Variants in EPHB1 observed in about 807,000 individuals in gnomAD.
EPHB1 encodes the protein ephrin type-B receptor 1.
Under a neutral mutation model 94.4 loss-of-function variants are expected in EPHB1, and 30 were observed. The ratio of observed to expected loss-of-function variants is 0.32; its 90% CI spans 0.24 to 0.43. The LOEUF is 0.43. Ranked by LOEUF, EPHB1 falls within the 20% of genes least tolerant of loss-of-function variation. EPHB1 has a pLI of 1.00. For missense variants in EPHB1, 1,055 were observed against 1,308.3 expected (o/e 0.81, Z 2.99); for synonymous variants, 522 against 489.1 (o/e 1.07, Z -0.89).
chr3:135,074,128 T>C (rs555435275), intron 3 of EPHB1, among the ~76,000 whole-genome samples: 1 of 152,354 alleles, frequency 6.6e-6, no homozygotes, highest in South Asian at 2.1e-4. Flanking sequence ...ACTGAAATAT[T>C]TTATAAGAAG....
chr3:134,951,238 A>C lies in EPHB1; in HGVS notation c.124-133A>C, dbSNP rs77546042. The stretch of plus-strand genomic sequence containing the variant: ...TTGCGCTTAGATGTGTTCATTTCTC[A>C]AGTCAATCTGCTGGACTGGTGAGCT... On this transcript the variant is annotated intron_variant, in intron 2 of 15. Coordinates refer to ENST00000398015, the MANE Select transcript of EPHB1 (RefSeq NM_004441.5). The surrounding 1 kb of genome is among the most constrained non-coding windows in gnomAD (Gnocchi z 4.5). The C allele has an allele frequency of 0.037, 26,431 of 708,050 alleles. 717 individuals are homozygous for C. Among genetic ancestry groups the C allele is most frequent in the Non-Finnish European group, 0.045 (20,348 of 456,502 alleles). 43.9% of individuals were successfully genotyped at this position (708,050 alleles called of 1,614,324 possible).
chr3:134,808,032 T>C (rs1376459722), intron 1 of EPHB1, among the ~76,000 whole-genome samples: 3 of 152,216 alleles, frequency 2.0e-5, no homozygotes, highest in African/African-American at 7.2e-5. Flanking sequence ...CATGAAAGTC[T>C]GGTTGATGAA....
At chr3:134,953,879 A>G (rs948125888) in intron 3 of EPHB1, among the ~76,000 whole-genome samples, 3 of 152,210 alleles carry the variant, frequency 2.0e-5, no homozygotes, top group African/African-American at 7.2e-5. Flanking sequence ...GCCTGTGAGG[A>G]CAAATATGTA....
rs1309543488 is a variant in EPHB1 at position 135,154,204 on chromosome 3, C to A, written c.1350C>A (p.Ile450=). The A allele has an allele frequency of 3.7e-6, 6 of 1,614,066 alleles. No homozygotes were observed. The highest frequency in any genetic ancestry group is 5.1e-6 in the Non-Finnish European group (6 of 1,179,888). Residue 450 remains isoleucine, a synonymous_variant, in exon 6 of 16, where the codon ATC becomes ATA. Transcript: ENST00000398015. ...MHQVSATMRS[I]TLSWPQPEQP... ...AAGTCAGTGCCACTATGAGGAGCATCACCTTGTCATGGCCACAGCCGGAGC... is the reference window on the plus strand; with the variant it reads ...AAGTCAGTGCCACTATGAGGAGCATAACCTTGTCATGGCCACAGCCGGAGC...
chr3:135,149,917 A>G (rs1941141227), intron 5 of EPHB1, among the ~76,000 whole-genome samples: 1 of 152,124 alleles, frequency 6.6e-6, no homozygotes, highest in African/African-American at 2.4e-5. Context: ...GTTTCTCTCC[A>G]TGGATTTCAC....
At chr3:134,810,042 G>A (rs2036138477) in intron 1 of EPHB1, among the ~76,000 whole-genome samples, 1 of 152,180 alleles carries the variant, frequency 6.6e-6, no homozygotes, top group Non-Finnish European at 1.5e-5. Flanking sequence ...ACTGCATCCT[G>A]CTAAGAGAGA....
chr3:135,159,057 T>A (rs1318830478), intron 6 of EPHB1, among the ~76,000 whole-genome samples: 1 of 152,212 alleles, frequency 6.6e-6, no homozygotes, highest in Non-Finnish European at 1.5e-5. Flanking sequence ...GCCCAGGTGG[T>A]ACAAGCATTG....
At chr3:135,190,639 A>C (rs930190282) in intron 10 of EPHB1, among the ~76,000 whole-genome samples, 1 of 152,180 alleles carries the variant, frequency 6.6e-6, no homozygotes, top group Non-Finnish European at 1.5e-5. Flanking sequence ...ATTACTAAAT[A>C]AGTTAAGCTA....
chr3:135,215,083 G>A (rs1027495841), intron 12 of EPHB1, among the ~76,000 whole-genome samples: 3 of 152,188 alleles, frequency 2.0e-5, no homozygotes, highest in Admixed American at 6.5e-5. Context: ...TGTTGTGGAT[G>A]CTACCATAAG....
At chr3:135,140,365 C>A (rs749445687) in intron 5 of EPHB1, among the ~76,000 whole-genome samples, 7 of 152,296 alleles carry the variant, frequency 4.6e-5, no homozygotes, top group Non-Finnish European at 1.0e-4. Context: ...CTGTATCCAT[C>A]CTGTTGACTA....
At chr3:134,882,400 T>C (rs996183461) in intron 1 of EPHB1, among the ~76,000 whole-genome samples, 4 of 152,252 alleles carry the variant, frequency 2.6e-5, no homozygotes, top group Non-Finnish European at 4.4e-5. Flanking sequence ...CCCCATCTTC[T>C]TCTATTGAAA....
intron 6 of EPHB1, among the ~76,000 whole-genome samples, chr3:135,161,340 G>T (rs1941500806): frequency 6.6e-6 from 1 of 152,160 alleles, no homozygotes; most frequent in Admixed American, 6.5e-5. Context: ...GGGCTGCTCT[G>T]CAGGGAGAAG....
chr3:134,839,472 G>A (rs2036737952), intron 1 of EPHB1, among the ~76,000 whole-genome samples: 1 of 152,170 alleles, frequency 6.6e-6, no homozygotes, highest in Non-Finnish European at 1.5e-5. Context: ...GGAAATTTGA[G>A]TTTGACAGGA....
At chr3:134,857,552 G>A (rs535822755) in intron 1 of EPHB1, among the ~76,000 whole-genome samples, 2 of 152,252 alleles carry the variant, frequency 1.3e-5, no homozygotes, top group East Asian at 3.9e-4. Flanking sequence ...GTGCCTCTGA[G>A]CAGGGTAAAG....
chr3:135,101,173 C>G (rs1319735354), intron 3 of EPHB1, among the ~76,000 whole-genome samples: 2 of 152,170 alleles, frequency 1.3e-5, no homozygotes, highest in African/African-American at 4.8e-5. Flanking sequence ...GTCGGCGGCT[C>G]TTCTCTTTCT....
intron 3 of EPHB1, among the ~76,000 whole-genome samples, chr3:134,959,633 G>A (rs1044180508): frequency 2.0e-5 from 3 of 152,058 alleles, no homozygotes; most frequent in Non-Finnish European, 4.4e-5. Flanking sequence ...ATCCCTCTAG[G>A]GGCAGCTCCA....
rs138141853 is a variant in EPHB1 at position 135,092,902 on chromosome 3, C to T, written c.806-13546C>T. On this transcript the variant is annotated intron_variant, in intron 3 of 15. Transcript: ENST00000398015. ...TTAGCCTCCCAAAGTCCTGGGATTA[C>T]AGGCGGGAGCCACCAAACCTGGCCT... 1.2e-3 allele frequency among the ~76,000 whole-genome samples: 178 copies of T among 152,340 alleles called. 3 individuals are homozygous for T. In the East Asian group the frequency reaches 0.032, roughly 27 times the overall value.
At chr3:135,078,304 A>G (rs1576366547) in intron 3 of EPHB1, among the ~76,000 whole-genome samples, 2 of 152,276 alleles carry the variant, frequency 1.3e-5, no homozygotes. Flanking sequence ...GGGTCTTCCC[A>G]AGGAGGTGTT....
At chr3:135,255,105 C>CT (rs968191643) in intron 15 of EPHB1, among the ~76,000 whole-genome samples, 2 of 151,822 alleles carry the variant, frequency 1.3e-5, no homozygotes, top group Non-Finnish European at 2.9e-5. Context: ...ATTCCTCTCT[C>CT]TTTTTTTATT....
Sources: gnomAD v4.1 joint callset for allele counts (sites outside exome capture counted in the v4.1 genomes callset) on GRCh38, gnomAD v4.1.1 for gene constraint, Gnocchi (gnomAD v3.1) non-coding constraint, MANE v1.5 for transcripts, NCBI Gene and HGNC (gene_info 2026-07-23, HGNC 2026-07-21) for gene names.